KBTBD11: variants seen among roughly 807,000 people sequenced by gnomAD.
KBTBD11 encodes kelch repeat and BTB domain-containing protein 11.
For synonymous variants in KBTBD11, 747 were observed against 499.0 expected (o/e 1.50, Z -6.63); for missense variants, 1,390 against 1,001.8 (o/e 1.39, Z -5.23).
chr8:1,992,647 C>G (rs530255934), intron 1 of KBTBD11, among the ~76,000 whole-genome samples: 2 of 151,868 alleles, frequency 1.3e-5, no homozygotes, highest in African/African-American at 4.8e-5. Flanking sequence ...TATTTTCATA[C>G]TGTTTTTTCT....
At chr8:1,979,999 G>A (rs1225431846) in intron 1 of KBTBD11, among the ~76,000 whole-genome samples, 1 of 152,188 alleles carries the variant, frequency 6.6e-6, no homozygotes. Context: ...CTCACTTTGT[G>A]CTGAATCTTT....
chr8:1,998,190 A>G (rs1332733230), intron 1 of KBTBD11, among the ~76,000 whole-genome samples: 6 of 152,174 alleles, frequency 3.9e-5, no homozygotes, highest in Non-Finnish European at 7.3e-5. Context: ...AAGTATTCCA[A>G]AATTCAAAAA....
At chr8:1,993,846 A>G (rs991948745) in intron 1 of KBTBD11, among the ~76,000 whole-genome samples, 5 of 151,508 alleles carry the variant, frequency 3.3e-5, no homozygotes, top group African/African-American at 1.2e-4. Flanking sequence ...TGCTTCTCAA[A>G]CCAGGATGGG....
chr8:1,978,565 C>T (rs975678186), intron 1 of KBTBD11, among the ~76,000 whole-genome samples: 1 of 152,164 alleles, frequency 6.6e-6, no homozygotes, highest in Non-Finnish European at 1.5e-5. Context: ...CGGACTGTGA[C>T]CTGAGAAAAC....
At chr8:1,996,430 C>A (rs1817140159) in intron 1 of KBTBD11, among the ~76,000 whole-genome samples, 1 of 152,100 alleles carries the variant, frequency 6.6e-6, no homozygotes, top group Admixed American at 6.5e-5. Context: ...CCAAGCCCGG[C>A]TGATTTTGTA....
intron 1 of KBTBD11, among the ~76,000 whole-genome samples, chr8:1,981,588 ATTG>A (rs1421891340): frequency 6.6e-6 from 1 of 152,162 alleles, no homozygotes; most frequent in East Asian, 1.9e-4. Flanking sequence ...CCTGGAAGAG[ATTG>A]GCATTTGAAC....
chr8:1,993,062 C>A (rs1457794417), intron 1 of KBTBD11, among the ~76,000 whole-genome samples: 2 of 152,098 alleles, frequency 1.3e-5, no homozygotes, highest in Non-Finnish European at 2.9e-5. Flanking sequence ...ACCCCAGCTT[C>A]CCGCGTAGCT....
intron 1 of KBTBD11, among the ~76,000 whole-genome samples, chr8:1,994,255 G>T (rs985332427): frequency 6.6e-6 from 1 of 151,376 alleles, no homozygotes; most frequent in African/African-American, 2.5e-5. Context: ...GAGCGAGGCC[G>T]GGCCTGCCCC....
chr8:1,983,088 T>C (rs1300153367), intron 1 of KBTBD11, among the ~76,000 whole-genome samples: 1 of 152,130 alleles, frequency 6.6e-6, no homozygotes, highest in Admixed American at 6.5e-5. Context: ...TCCTGCCACA[T>C]GTTGGGTGTG....
chr8:2,001,204 G>A lies in KBTBD11; in HGVS notation c.12G>A (p.Ala4=), dbSNP rs1447315907. The change falls in exon 2 of 2, where the codon GCG becomes GCA. Residue 4 remains alanine, a synonymous_variant. Transcript: ENST00000320248. The part of the protein sequence containing the change: MEH[A]VAPCVLYPGT... ...AGCACAGCCCGGCCATGGAGCACGCGGTGGCCCCCTGCGTCCTCTACCCAG... is the reference window on the plus strand; with the variant it reads ...AGCACAGCCCGGCCATGGAGCACGCAGTGGCCCCCTGCGTCCTCTACCCAG... 1.5e-6 allele frequency: 2 copies of A among 1,378,344 alleles called. No homozygotes were observed. Among genetic ancestry groups the A allele is most frequent in the South Asian group, 3.2e-5 (2 of 63,116 alleles). The allele number at this position is 1,378,344 out of a possible 1,614,324, so 85.4% of individuals were successfully genotyped here. A position where few individuals can be genotyped will look rare whatever the true frequency, so the allele number is the denominator to read the frequency against.
In KBTBD11 at chr8:1,973,870, T is replaced by C; in HGVS notation, c.-974T>C. 1.0e-6 allele frequency: 1 copy of C among 982,308 alleles called. No homozygotes were observed. Among genetic ancestry groups the C allele is most frequent in the Non-Finnish European group, 1.2e-6 (1 of 828,792 alleles). The allele number at this position is 982,308 out of a possible 1,614,324, so 60.8% of individuals were successfully genotyped here. A position where few individuals can be genotyped will look rare whatever the true frequency, so the allele number is the denominator to read the frequency against. ...AGGTGCCGGGAAGCGGCCGCGCGCA[T>C]GCGCCGGAGCCCACCCGCCTGGCTG... On this transcript the variant is annotated 5_prime_UTR_variant, in exon 1 of 2. The change abolishes an upstream ATG in the 5' untranslated region. Coordinates refer to ENST00000320248, the MANE Select transcript of KBTBD11 (RefSeq NM_014867.3).
intron 1 of KBTBD11, among the ~76,000 whole-genome samples, chr8:1,993,958 C>CAAAAAAAA (rs1491480347): frequency 2.0e-5 from 3 of 148,134 alleles, no homozygotes; most frequent in South Asian, 4.3e-4. Context: ...CACACACACA[C>CAAAAAAAA]AAAACCCCAT....
chr8:1,978,032 C>T lies in KBTBD11; in HGVS notation c.-909+4097C>T, dbSNP rs566312756. 4.3e-4 allele frequency among the ~76,000 whole-genome samples: 65 copies of T among 152,202 alleles called. 1 individual carries two copies. In the South Asian group the frequency reaches 0.012, roughly 27 times the overall value. On this transcript the variant is annotated intron_variant, in intron 1 of 1. Transcript: ENST00000320248. Reference sequence around the variant, plus strand: ...TATTTTAAGTTGCAGGGTACATGTGCGGGAGGTGCAGTTTTGTTACATAGG... The same window carrying T: ...TATTTTAAGTTGCAGGGTACATGTGTGGGAGGTGCAGTTTTGTTACATAGG...
chr8:1,977,004 G>C (rs73184723), intron 1 of KBTBD11, among the ~76,000 whole-genome samples: 8,666 of 152,178 alleles, frequency 0.057, 301 homozygotes, highest in Middle Eastern at 0.11. Context: ...CAACCCATGG[G>C]CCACGAGCCA....
At chr8:1,980,962 C>T (rs1426230872) in intron 1 of KBTBD11, among the ~76,000 whole-genome samples, 1 of 152,198 alleles carries the variant, frequency 6.6e-6, no homozygotes, top group African/African-American at 2.4e-5. Context: ...GACTTCTTCT[C>T]AGCTTGTTTC....
rs908134367 is a variant in KBTBD11 at position 2,000,559 on chromosome 8, C to G, written c.-634C>G. The G allele has an allele frequency of 1.3e-5, 2 of 152,226 alleles. No homozygotes were observed. The highest frequency in any genetic ancestry group is 2.9e-5 in the Non-Finnish European group (2 of 68,070). 9.4% of individuals were successfully genotyped at this position (152,226 alleles called of 1,614,324 possible). On this transcript the variant is annotated 5_prime_UTR_variant, in exon 2 of 2. Coordinates refer to ENST00000320248, the MANE Select transcript of KBTBD11 (RefSeq NM_014867.3). The stretch of plus-strand genomic sequence containing the variant: ...AAGTGGGAGCCACAGAGAAGGAGAG[C>G]CCATAAGGGGACTCTTTTCAAGACA...
chr8:1,974,589 C>G lies in KBTBD11; in HGVS notation c.-909+654C>G, dbSNP rs570142632. The G allele has an allele frequency of 2.7e-5, 27 of 985,142 alleles. No individual in the cohort carries two copies. In the South Asian group the frequency reaches 1.2e-3, roughly 43 times the overall value. The allele number at this position is 985,142 out of a possible 1,614,324, so 61.0% of individuals were successfully genotyped here. A position where few individuals can be genotyped will look rare whatever the true frequency, so the allele number is the denominator to read the frequency against. On this transcript the variant is annotated intron_variant, in intron 1 of 1. Transcript: ENST00000320248. ...TCCTGGCTGCTGACCCCCGCGAGCC[C>G]CGAGCACCGCGACCCACCCGCCCCA...
intron 1 of KBTBD11, among the ~76,000 whole-genome samples, chr8:1,987,907 G>A (rs1039493255): frequency 1.3e-5 from 2 of 151,792 alleles, no homozygotes; most frequent in African/African-American, 2.4e-5. Context: ...GACGGGCCCC[G>A]GTGTGTGATG....
In KBTBD11 at chr8:2,002,188, G is replaced by T; in HGVS notation, c.996G>T (p.Ala332=). Residue 332 remains alanine, a synonymous_variant, in exon 2 of 2, where the codon GCG becomes GCT. Transcript: ENST00000320248. The surrounding 1 kb of genome is among the most constrained non-coding windows in gnomAD (Gnocchi z 4.1). ...ACGCGGCCGTCTACTGCTTCCACGC[G>T]GCGGCCGGAGAGTGGCGCGAGCTGA... ...RGDAAVYCFH[A]AAGEWRELTR... 8.0e-7 allele frequency: 1 copy of T among 1,248,988 alleles called. No individual in the cohort carries two copies. The highest frequency in any genetic ancestry group is 1.0e-6 in the Non-Finnish European group (1 of 999,256). 77.4% of individuals were successfully genotyped at this position (1,248,988 alleles called of 1,614,324 possible).
Sources: gnomAD v4.1 joint callset for allele counts (sites outside exome capture counted in the v4.1 genomes callset) on GRCh38, gnomAD v4.1.1 for gene constraint, Gnocchi (gnomAD v3.1) non-coding constraint, MANE v1.5 for transcripts, NCBI Gene and HGNC (gene_info 2026-07-23, HGNC 2026-07-21) for gene names.